The following RIMS2 variants were observed in gnomAD, a reference collection of about 807,000 sequenced individuals.
RIMS2 encodes regulating synaptic membrane exocytosis 2.
A neutral mutation model predicts 174.4 loss-of-function variants in RIMS2; 59 were observed. The ratio of observed to expected loss-of-function variants is 0.34; its 90% CI spans 0.27 to 0.42. The LOEUF is 0.42. Ranked by LOEUF, RIMS2 falls within the 10% of genes least tolerant of loss-of-function variation. RIMS2 has a pLI of 1.00. For missense variants in RIMS2, 1,620 were observed against 1,666.3 expected (o/e 0.97, Z 0.48); for synonymous variants, 606 against 572.5 (o/e 1.06, Z -0.84).
chr8:103,750,650 C>T lies in RIMS2; in HGVS notation c.388-15577C>T, dbSNP rs535452964. Among the ~76,000 whole-genome samples, 109 of 152,136 alleles carry T rather than the reference C, an allele frequency of 7.2e-4. 1 individual carries two copies. The highest frequency in any genetic ancestry group is 4.1e-3 in the Admixed American group (63 of 15,268). On this transcript the variant is annotated intron_variant, in intron 2 of 23. Transcript: ENST00000504942. ...TGGAAGCGGTTTACCCCATGTTGTT[C>T]CCATGTTAATGAGTCTCAGGAGATC... is the stretch of plus-strand genomic sequence containing the variant.
intron 15 of RIMS2, among the ~76,000 whole-genome samples, chr8:103,967,279 G>T (rs2092152812): frequency 7.0e-6 from 1 of 142,834 alleles, no homozygotes; most frequent in East Asian, 2.0e-4. Flanking sequence ...TGCCTCCCAG[G>T]TTCAAGGTTC....
At chr8:103,812,311 AATT>A (rs951993666) in intron 3 of RIMS2, among the ~76,000 whole-genome samples, 3 of 137,984 alleles carry the variant, frequency 2.2e-5, no homozygotes, top group African/African-American at 7.8e-5. Context: ...GCATAGGTCA[AATT>A]ATTACCTTAT....
intron 12 of RIMS2, among the ~76,000 whole-genome samples, chr8:103,934,643 C>T (rs948231602): frequency 4.6e-5 from 7 of 151,672 alleles, no homozygotes; most frequent in African/African-American, 1.2e-4. Flanking sequence ...TCTGTCCTTA[C>T]GAGGAAGTTC....
At chr8:103,863,749 A>C (rs972133622) in intron 3 of RIMS2, among the ~76,000 whole-genome samples, 8 of 151,602 alleles carry the variant, frequency 5.3e-5, no homozygotes, top group African/African-American at 1.9e-4. Context: ...GTCTTTGAGG[A>C]TCTTTTCTGT....
At chr8:104,209,295 G>C (rs2099094921) in intron 19 of RIMS2, among the ~76,000 whole-genome samples, 1 of 152,152 alleles carries the variant, frequency 6.6e-6, no homozygotes, top group Admixed American at 6.5e-5. Flanking sequence ...TACTAGCTGT[G>C]AGCTAATAAT....
intron 8 of RIMS2, among the ~76,000 whole-genome samples, chr8:103,917,293 A>G (rs2076796857): frequency 6.6e-6 from 1 of 152,218 alleles, no homozygotes; most frequent in Admixed American, 6.5e-5. Flanking sequence ...TAATTCATTT[A>G]GGAAATGATG....
intron 2 of RIMS2, among the ~76,000 whole-genome samples, chr8:103,759,564 CAAAAAAAA>C (rs35946104): frequency 8.6e-5 from 6 of 70,028 alleles, no homozygotes; most frequent in African/African-American, 1.7e-4. Context: ...GACTCCGTCT[CAAAAAAAA>C]AAAAAAAAAA....
At chr8:103,613,635 G>C (rs1224067048) in intron 1 of RIMS2, among the ~76,000 whole-genome samples, 1 of 152,126 alleles carries the variant, frequency 6.6e-6, no homozygotes, top group Non-Finnish European at 1.5e-5. Context: ...TTTCACTATA[G>C]CCACCGCAGC....
intron 2 of RIMS2, among the ~76,000 whole-genome samples, chr8:103,739,781 A>G: frequency 6.6e-6 from 1 of 152,164 alleles, no homozygotes; most frequent in Non-Finnish European, 1.5e-5. Flanking sequence ...TGTGCATTCC[A>G]AGGGATTCCT....
intron 16 of RIMS2, among the ~76,000 whole-genome samples, chr8:103,988,122 T>C: frequency 6.6e-6 from 1 of 151,680 alleles, no homozygotes; most frequent in African/African-American, 2.4e-5. Flanking sequence ...AAGAGAAAAA[T>C]TTGCCAGCAG....
chr8:104,217,842 A>C (rs908867311), intron 19 of RIMS2, among the ~76,000 whole-genome samples: 14 of 152,360 alleles, frequency 9.2e-5, no homozygotes, highest in African/African-American at 3.4e-4. Context: ...TCAGTTTAAA[A>C]ATATCAACTT....
intron 2 of RIMS2, among the ~76,000 whole-genome samples, chr8:103,727,631 G>T (rs2097541158): frequency 6.6e-6 from 1 of 152,158 alleles, no homozygotes; most frequent in South Asian, 2.1e-4. Flanking sequence ...AAGAGATTGG[G>T]ATCTAGTCTT....
At chr8:103,533,547 T>G (rs1358634736) in intron 1 of RIMS2, among the ~76,000 whole-genome samples, 1 of 147,098 alleles carries the variant, frequency 6.8e-6, no homozygotes, top group African/African-American at 2.5e-5. Context: ...TAAAAACTGA[T>G]AAAACATGGG....
chr8:103,579,376 A>T lies in RIMS2; in HGVS notation c.176+78314A>T, dbSNP rs567855393. 6.6e-5 allele frequency among the ~76,000 whole-genome samples: 10 copies of T among 152,316 alleles called. No individual in the cohort carries two copies. In the East Asian group the frequency reaches 1.9e-3, roughly 29 times the overall value. On this transcript the variant is annotated intron_variant, in intron 1 of 23. Transcript: ENST00000504942. ...ATGCAAAAAGAAAACATCTGAAGGTATAAAACCTACTGATAAAATTAAGTA... is the reference window on the plus strand; with the variant it reads ...ATGCAAAAAGAAAACATCTGAAGGTTTAAAACCTACTGATAAAATTAAGTA...
intron 19 of RIMS2, among the ~76,000 whole-genome samples, chr8:104,054,087 GA>G (rs1269989200): frequency 6.6e-6 from 1 of 151,944 alleles, no homozygotes; most frequent in African/African-American, 2.4e-5. Context: ...TTAGAAAAAA[GA>G]AAAAAATAAA....
intron 19 of RIMS2, among the ~76,000 whole-genome samples, chr8:104,063,819 C>G (rs762609022): frequency 6.6e-6 from 1 of 152,132 alleles, no homozygotes; most frequent in Non-Finnish European, 1.5e-5. Flanking sequence ...GCCCCTACTT[C>G]AAAGAAGTTT....
intron 19 of RIMS2, among the ~76,000 whole-genome samples, chr8:104,191,588 C>T (rs1232735661): frequency 1.3e-5 from 2 of 152,060 alleles, no homozygotes; most frequent in Non-Finnish European, 1.5e-5. Context: ...TATTTAGAAG[C>T]TTTAGCCGTT....
chr8:103,640,235 C>G (rs2096198017), intron 1 of RIMS2, among the ~76,000 whole-genome samples: 1 of 151,366 alleles, frequency 6.6e-6, no homozygotes, highest in Non-Finnish European at 1.5e-5. Context: ...AAGTGATGGA[C>G]TGTCTTTCAT....
At chr8:103,552,930 A>C (rs941048853) in intron 1 of RIMS2, among the ~76,000 whole-genome samples, 1 of 152,210 alleles carries the variant, frequency 6.6e-6, no homozygotes. Context: ...GGCGATCATT[A>C]AAAAGTCAGG....
Sources: allele counts gnomAD v4.1 joint callset (sites outside exome capture counted in the v4.1 genomes callset), GRCh38; gene constraint gnomAD v4.1.1; transcripts MANE v1.5; gene names NCBI Gene and HGNC (gene_info 2026-07-23, HGNC 2026-07-21).